Variants in NPAS3 observed in about 807,000 individuals in gnomAD.
NPAS3 encodes the protein neuronal PAS domain protein 3, also known as neuronal PAS domain-containing protein 3.
Under a neutral mutation model 73.1 loss-of-function variants are expected in NPAS3, and 14 were observed. The ratio of observed to expected loss-of-function variants is 0.19; its 90% CI spans 0.13 to 0.30. The LOEUF is 0.30. Ranked by LOEUF, NPAS3 falls within the 10% of genes least tolerant of loss-of-function variation. The pLI, the probability that NPAS3 is intolerant of heterozygous loss-of-function variation, is 1.00. For synonymous variants in NPAS3, 620 were observed against 541.5 expected (o/e 1.14, Z -2.01); for missense variants, 1,096 against 1,250.0 (o/e 0.88, Z 1.86).
At chr14:33,047,797 G>C (rs1417011669) in intron 1 of NPAS3, among the ~76,000 whole-genome samples, 1 of 152,072 alleles carries the variant, frequency 6.6e-6, no homozygotes, top group East Asian at 1.9e-4. Context: ...CTACTTTTCT[G>C]GTTGCAATCT....
In NPAS3 at chr14:33,772,666, G is replaced by A. The variant is rs1305982129; in HGVS notation, c.853-1671G>A. On this transcript the variant is annotated intron_variant, in intron 7 of 11. Coordinates refer to ENST00000356141, the Ensembl canonical transcript of NPAS3. The stretch of plus-strand genomic sequence containing the variant: ...AAGCCTAGCTGGGAGGAGGACCAGC[G>A]ACTGTTAACACCCCTCCTGTGAAGT... Among the ~76,000 whole-genome samples the A allele has an allele frequency of 5.3e-5, 8 of 152,152 alleles. No individual in the cohort carries two copies. The East Asian group carries it at 5.8e-4, about 11-fold the overall frequency.
At chr14:33,521,896 T>A (rs1309474065) in intron 4 of NPAS3, among the ~76,000 whole-genome samples, 1 of 152,170 alleles carries the variant, frequency 6.6e-6, no homozygotes, top group Non-Finnish European at 1.5e-5. Flanking sequence ...CCGGAGCTTT[T>A]CTTTTCCTCT....
At chr14:33,777,287 A>C (rs2062849579) in intron 8 of NPAS3, among the ~76,000 whole-genome samples, 1 of 152,204 alleles carries the variant, frequency 6.6e-6, no homozygotes, top group Admixed American at 6.5e-5. Context: ...AACCCATGAA[A>C]TCCTTAGAAA....
intron 9 of NPAS3, among the ~76,000 whole-genome samples, chr14:33,792,190 C>G (rs1267597176): frequency 6.6e-6 from 1 of 152,270 alleles, no homozygotes; most frequent in South Asian, 2.1e-4. Context: ...GCAGAACTTA[C>G]AATTGCCTAC....
intron 1 of NPAS3, among the ~76,000 whole-genome samples, chr14:33,037,639 C>G (rs767167833): frequency 2.0e-5 from 3 of 152,046 alleles, no homozygotes; most frequent in Non-Finnish European, 4.4e-5. Flanking sequence ...GCACTCTAGT[C>G]TGGGCAACGG....
chr14:33,035,643 C>G (rs1313237011), intron 1 of NPAS3, among the ~76,000 whole-genome samples: 2 of 152,202 alleles, frequency 1.3e-5, no homozygotes, highest in Admixed American at 1.3e-4. Context: ...CTTTTTATCA[C>G]TTGGCACAGC....
intron 4 of NPAS3, among the ~76,000 whole-genome samples, chr14:33,506,132 G>A (rs573890184): frequency 1.3e-5 from 2 of 151,938 alleles, no homozygotes; most frequent in South Asian, 4.2e-4. Context: ...ATTTCCCATA[G>A]TGCCAGCCAA....
chr14:33,799,700 G>A, intron 11 of NPAS3, 34 bp from the exon 12 acceptor site: 1 of 1,544,694 alleles, frequency 6.5e-7, no homozygotes, highest in Non-Finnish European at 8.7e-7. Flanking sequence ...TTCTCTCTCC[G>A]CCCCCGCCAC....
At chr14:33,157,007 T>TA (rs1180232490) in intron 2 of NPAS3, among the ~76,000 whole-genome samples, 1 of 152,130 alleles carries the variant, frequency 6.6e-6, no homozygotes, top group Admixed American at 6.5e-5. Context: ...AGAGGAACTC[T>TA]AAAAAAAGAA....
At chr14:33,773,764 A>G (rs1373396941) in intron 7 of NPAS3, among the ~76,000 whole-genome samples, 1 of 152,206 alleles carries the variant, frequency 6.6e-6, no homozygotes, top group Non-Finnish European at 1.5e-5. Flanking sequence ...GGGCACTGCA[A>G]TAAATCACTG....
At chr14:33,142,391 T>C (rs1388394255) in intron 2 of NPAS3, among the ~76,000 whole-genome samples, 1 of 152,110 alleles carries the variant, frequency 6.6e-6, no homozygotes, top group Non-Finnish European at 1.5e-5. Context: ...TAGCTCTTAG[T>C]ACAGTATGTG....
At chr14:33,021,988 AG>A (rs1284740072) in intron 1 of NPAS3, among the ~76,000 whole-genome samples, 1 of 152,192 alleles carries the variant, frequency 6.6e-6, no homozygotes, top group Non-Finnish European at 1.5e-5. Flanking sequence ...TGCAGAGGTT[AG>A]GTGGTGTGGC....
intron 6 of NPAS3, among the ~76,000 whole-genome samples, chr14:33,712,555 A>G (rs1251028898): frequency 6.6e-6 from 1 of 152,180 alleles, no homozygotes; most frequent in Non-Finnish European, 1.5e-5. Context: ...ACAAAAACAA[A>G]TCCCTGCCTT....
chr14:33,481,936 T>C (rs543190672), intron 4 of NPAS3, among the ~76,000 whole-genome samples: 66 of 151,970 alleles, frequency 4.3e-4, no homozygotes, highest in Non-Finnish European at 7.8e-4. Context: ...AAAAGAAATT[T>C]AAAAATAAAA....
At chr14:33,353,202 A>G (rs1185365344) in intron 3 of NPAS3, among the ~76,000 whole-genome samples, 1 of 151,530 alleles carries the variant, frequency 6.6e-6, no homozygotes, top group Non-Finnish European at 1.5e-5. Context: ...TTTGTCTGCC[A>G]CATATAGCAG....
chr14:33,678,142 C>T (rs1470908434), intron 6 of NPAS3, among the ~76,000 whole-genome samples: 1 of 152,178 alleles, frequency 6.6e-6, no homozygotes, highest in African/African-American at 2.4e-5. Flanking sequence ...CTCCAACATA[C>T]GCAGCCAAAT....
chr14:33,578,066 T>A (rs1464298989), intron 5 of NPAS3, among the ~76,000 whole-genome samples: 1 of 152,388 alleles, frequency 6.6e-6, no homozygotes, highest in South Asian at 2.1e-4. Flanking sequence ...TGGGATAGCA[T>A]GTTTTTTCTA....
intron 4 of NPAS3, among the ~76,000 whole-genome samples, chr14:33,381,275 G>A (rs1054284741): frequency 6.6e-6 from 1 of 152,154 alleles, no homozygotes; most frequent in Admixed American, 6.5e-5. Flanking sequence ...TTAATCTTCC[G>A]GAAGATATTG....
At chr14:33,209,081 C>T (rs1180502960) in intron 2 of NPAS3, among the ~76,000 whole-genome samples, 1 of 152,208 alleles carries the variant, frequency 6.6e-6, no homozygotes, top group Non-Finnish European at 1.5e-5. Context: ...CCAGTTTTAA[C>T]TTCCAGCGTA....
Sources: gnomAD v4.1 joint callset for allele counts (sites outside exome capture counted in the v4.1 genomes callset) on GRCh38, gnomAD v4.1.1 for gene constraint, MANE v1.5 for transcripts, NCBI Gene and HGNC (gene_info 2026-07-23, HGNC 2026-07-21) for gene names.